RBPJ: variants seen among roughly 807,000 people sequenced by gnomAD.
The protein encoded by RBPJ is recombination signal binding protein for immunoglobulin kappa J region, also known as recombining binding protein suppressor of hairless.
In RBPJ, 9 loss-of-function variants were observed where a neutral mutation model predicts 67.8. The observed-to-expected ratio is 0.13, with a 90% CI of 0.08 to 0.23. The LOEUF is 0.23. Among genes scored for constraint, RBPJ ranks in the 10% least tolerant of loss-of-function variants. The pLI, the probability that RBPJ is intolerant of heterozygous loss-of-function variation, is 1.00. For synonymous variants in RBPJ, 198 were observed against 203.3 expected, an observed-to-expected ratio of 0.97 and a Z score of 0.22; for missense variants, 305 against 595.6, an observed-to-expected ratio of 0.51 and a Z score of 5.08.
At chr4:26,106,704 G>A in the RBPJ span, among the ~76,000 whole-genome samples, 18,241 of 152,158 alleles carry the variant, frequency 0.12, 1,201 homozygotes, top group Middle Eastern at 0.2. Context: ...AACCTCCCCA[G>A]TAATTTGGTA....
Position 26,212,540 on chromosome 4 carries a change from G to A in RBPJ, c.-167+48926G>A, listed in dbSNP as rs375143699. Reference sequence around the variant, plus strand: ...CAACTTCCACCTCCCAGGTTCAAGCGATTCCCACCTTCTTTTTTCACATAC... The same window carrying A: ...CAACTTCCACCTCCCAGGTTCAAGCAATTCCCACCTTCTTTTTTCACATAC... On this transcript the variant is annotated intron_variant, in intron 1 of 4. Coordinates refer to the RBPJ transcript ENST00000512351. Among the ~76,000 whole-genome samples, 195 of 145,964 alleles carry A rather than the reference G, an allele frequency of 1.3e-3. 3 individuals are homozygous for A. Among genetic ancestry groups the A allele is most frequent in the East Asian group, 5.0e-3 (23 of 4,622 alleles).
At chr4:26,287,070 AGCC>A (rs1721492093) in intron 1 of RBPJ, among the ~76,000 whole-genome samples, 1 of 152,164 alleles carries the variant, frequency 6.6e-6, no homozygotes, top group Non-Finnish European at 1.5e-5. Context: ...TACAGGCGTG[AGCC>A]GCCGCACCTG....
chr4:26,149,864 C>T, the RBPJ span, among the ~76,000 whole-genome samples: 18 of 152,220 alleles, frequency 1.2e-4, no homozygotes, highest in African/African-American at 2.7e-4. Context: ...ACTTTCTTCC[C>T]GACTTTTCCT....
chr4:26,317,655 T>C (rs941825126), upstream of RBPJ, among the ~76,000 whole-genome samples: 4 of 152,136 alleles, frequency 2.6e-5, no homozygotes, highest in Non-Finnish European at 5.9e-5. Flanking sequence ...ACTAGGCTAG[T>C]AGCTAAAGAG....
In RBPJ at chr4:26,292,750, T is replaced by C. The variant is rs190000814; in HGVS notation, c.-166-69696T>C. ...ATCCTAACAGAATAACATTCTATTG[T>C]GTATGTATTAAAAAACTGTGGTGTG... On this transcript the variant is annotated intron_variant, in intron 1 of 4. Coordinates refer to the RBPJ transcript ENST00000512351. Among the ~76,000 whole-genome samples the C allele has an allele frequency of 1.1e-4, 16 of 150,718 alleles. 1 individual carries two copies. Among genetic ancestry groups the C allele is most frequent in the African/African-American group, 3.9e-4 (16 of 41,008 alleles).
In RBPJ at chr4:26,255,325, A is replaced by G. The variant is rs529014047; in HGVS notation, c.-167+91711A>G. On this transcript the variant is annotated intron_variant, in intron 1 of 4. Coordinates refer to the RBPJ transcript ENST00000512351. Reference sequence around the variant, plus strand: ...AGGCTGAGGCAGGAGAATGGCGTGAACCCAGGAGGCGGAGCTTGCAGTGAG... The same window carrying G: ...AGGCTGAGGCAGGAGAATGGCGTGAGCCCAGGAGGCGGAGCTTGCAGTGAG... 4.9e-3 allele frequency among the ~76,000 whole-genome samples: 581 copies of G among 117,722 alleles called. 23 individuals are homozygous for G. The highest frequency in any genetic ancestry group is 0.022 in the African/African-American group (547 of 24,650). 77.2% of individuals were successfully genotyped at this position (117,722 alleles called of 152,430 possible). A position where few individuals can be genotyped will look rare whatever the true frequency, so the allele number is the denominator to read the frequency against.
At chr4:26,171,291 A>G (rs1411088081) in intron 1 of RBPJ, among the ~76,000 whole-genome samples, 1 of 152,250 alleles carries the variant, frequency 6.6e-6, no homozygotes, top group Non-Finnish European at 1.5e-5. Context: ...AGGTTAAAAC[A>G]TAGACATGTC....
Position 26,289,121 on chromosome 4 carries a change from G to C in RBPJ, c.-166-73325G>C, listed in dbSNP as rs570687873. On this transcript the variant is annotated intron_variant, in intron 1 of 4. Transcript: ENST00000512351. Reference sequence around the variant, plus strand: ...AAGAAAGAAAGAGGAGTAGGGCTGGGCCTGGTGGCTCATGCCTGTAATCCC... The same window carrying C: ...AAGAAAGAAAGAGGAGTAGGGCTGGCCCTGGTGGCTCATGCCTGTAATCCC... 8.4e-4 allele frequency among the ~76,000 whole-genome samples: 126 copies of C among 150,764 alleles called. 8 individuals are homozygous for C. Among genetic ancestry groups the C allele is most frequent in the Non-Finnish European group, 1.2e-3 (83 of 67,574 alleles).
intron 1 of RBPJ, among the ~76,000 whole-genome samples, chr4:26,229,009 C>T (rs553054762): frequency 6.6e-6 from 1 of 152,182 alleles, no homozygotes; most frequent in Non-Finnish European, 1.5e-5. Context: ...GTCACAGGAG[C>T]CTTAGAGCTC....
At position 26,302,343 on chromosome 4, in the gene RBPJ, C is replaced by A. The variant is rs931512880; in HGVS notation, c.-166-60103C>A. ...GGCTGAACTTTAGAGCTGGAAGGAA[C>A]CTTTAAGGTGTTCTTTTCTATTTCT... On this transcript the variant is annotated intron_variant, in intron 1 of 4. Coordinates refer to the RBPJ transcript ENST00000512351. Among the ~76,000 whole-genome samples, 16 of 152,156 alleles carry A rather than the reference C, an allele frequency of 1.1e-4. 1 individual carries two copies. Among genetic ancestry groups the A allele is most frequent in the African/African-American group, 1.4e-4 (6 of 41,434 alleles).
chr4:26,263,590 GAGA>G (rs1236518272), intron 1 of RBPJ, among the ~76,000 whole-genome samples: 3 of 152,162 alleles, frequency 2.0e-5, no homozygotes, highest in Non-Finnish European at 4.4e-5. Flanking sequence ...TGTTGTTTTT[GAGA>G]AGGAGTCTCG....
the RBPJ span, among the ~76,000 whole-genome samples, chr4:26,109,411 CCTCTCTCTCTCTCCCTCTCTCTCTCTCT>C: frequency 3.7e-3 from 178 of 48,720 alleles, 26 homozygotes; most frequent in African/African-American, 0.013. Flanking sequence ...TGTCCACCTT[CCTCTCTCTCTCTCCCTCTCTCTCTCTCT>C]CTCTCTCTCT....
At chr4:26,144,471 T>C in the RBPJ span, among the ~76,000 whole-genome samples, 7 of 152,030 alleles carry the variant, frequency 4.6e-5, no homozygotes, top group Non-Finnish European at 1.0e-4. Context: ...GTTTTCGCCT[T>C]GTTGGCCAGG....
chr4:26,198,849 T>G (rs901160558), intron 1 of RBPJ, among the ~76,000 whole-genome samples: 1 of 152,238 alleles, frequency 6.6e-6, no homozygotes, highest in Non-Finnish European at 1.5e-5. Flanking sequence ...ACTCACTTTT[T>G]GCTAAGTCTC....
chr4:26,255,627 C>T (rs1381434494), intron 1 of RBPJ, among the ~76,000 whole-genome samples: 6 of 149,364 alleles, frequency 4.0e-5, no homozygotes, highest in Admixed American at 6.7e-5. Flanking sequence ...ACGGTGAAAC[C>T]CCGTCTCTAC....
At chr4:26,371,565 C>T (rs1031581087) in intron 1 of RBPJ, among the ~76,000 whole-genome samples, 5 of 151,952 alleles carry the variant, frequency 3.3e-5, no homozygotes, top group Non-Finnish European at 4.4e-5. Context: ...AGTGGTATGA[C>T]ATTTTCTTCA....
At chr4:26,368,593 AGT>A (rs1728851465) in intron 1 of RBPJ, among the ~76,000 whole-genome samples, 1 of 152,070 alleles carries the variant, frequency 6.6e-6, no homozygotes, top group Admixed American at 6.6e-5. Flanking sequence ...CTCCGCCTAG[AGT>A]GTACTTTAGA....
intron 2 of RBPJ, 63 bp downstream of exon 2, chr4:26,386,454 T>C: frequency 9.3e-7 from 1 of 1,070,674 alleles, no homozygotes; most frequent in Non-Finnish European, 1.4e-6. Context: ...TCTTATTGTT[T>C]TAGATATTAT....
intron 1 of RBPJ, among the ~76,000 whole-genome samples, chr4:26,364,901 G>A (rs1728471250): frequency 6.6e-6 from 1 of 151,862 alleles, no homozygotes; most frequent in Non-Finnish European, 1.5e-5. Flanking sequence ...ATAGGTGTGA[G>A]CCACCGTGCC....
Sources: allele counts gnomAD v4.1 joint callset (sites outside exome capture counted in the v4.1 genomes callset), GRCh38; gene constraint gnomAD v4.1.1; transcripts MANE v1.5; gene names NCBI Gene and HGNC (gene_info 2026-07-23, HGNC 2026-07-21).